KDM7A: variants seen among roughly 807,000 people sequenced by gnomAD.
KDM7A encodes the protein lysine demethylase 7A.
A neutral mutation model predicts 114.8 loss-of-function variants in KDM7A; 28 were observed. That is an observed-to-expected ratio of 0.24 (90% CI 0.18 to 0.33). The LOEUF (loss-of-function observed/expected upper bound fraction) is 0.33. Ranked by LOEUF, KDM7A falls within the 10% of genes least tolerant of loss-of-function variation. The pLI, the probability that KDM7A is intolerant of heterozygous loss-of-function variation, is 1.00. For missense variants in KDM7A, 942 were observed against 1,142.5 expected, an observed-to-expected ratio of 0.82 and a Z score of 2.53; for synonymous variants, 423 against 397.8, an observed-to-expected ratio of 1.06 and a Z score of -0.75.
rs746001750 is a variant in KDM7A, at chr7:140,111,109, T to G, written c.1414A>C (p.Ile472Leu). The part of the protein sequence containing the change: ...GHLIKELSKV[I>L]RAIEEENGKP... ...TCCACTCTTACCTCTATTGCTCGAATTACTTTAGAAAGTTCTTTAATAAGG... is the reference window on the plus strand; with the variant it reads ...TCCACTCTTACCTCTATTGCTCGAAGTACTTTAGAAAGTTCTTTAATAAGG... The change falls in exon 11 of 20, where the codon ATT becomes CTT. Residue 472 changes from isoleucine (I) to leucine (L), a missense_variant. Physicochemically the swap from Ile to Leu is conservative, Grantham distance 5. Around this residue, in one of 4 missense-constraint regions of KDM7A, gnomAD observed 512 missense variants for 576.6 expected, o/e 0.89. Transcript: ENST00000397560. 6.3e-7 allele frequency: 1 copy of G among 1,591,294 alleles called. No individual in the cohort carries two copies. The highest frequency in any genetic ancestry group is 2.2e-5 in the East Asian group (1 of 44,674).
chr7:140,100,629 A>T (rs1818184421), intron 12 of KDM7A, among the ~76,000 whole-genome samples: 1 of 143,144 alleles, frequency 7.0e-6, no homozygotes, highest in African/African-American at 2.6e-5. Context: ...AAAACATTAT[A>T]ATTACATACA....
Position 140,176,389 on chromosome 7 carries a change from A to C in KDM7A, c.194+355T>G, listed in dbSNP as rs2116868931. Reference sequence around the variant, plus strand: ...GGGGCGGCGGCGGCCCGGGCTGGCGAGGGGCTGCGGACCCGGCCGGCGCTC... The same window carrying C: ...GGGGCGGCGGCGGCCCGGGCTGGCGCGGGGCTGCGGACCCGGCCGGCGCTC... On this transcript the variant is annotated intron_variant, in intron 1 of 19. Coordinates refer to ENST00000397560, the MANE Select transcript of KDM7A (RefSeq NM_030647.2). This position sits in a 1 kb window ranked among gnomAD's most constrained non-coding sequence, Gnocchi z 4.4. Among the ~76,000 whole-genome samples, 4 of 129,056 alleles carry C rather than the reference A, an allele frequency of 3.1e-5. No individual in the cohort carries two copies. Among genetic ancestry groups the C allele is most frequent in the East Asian group, 5.9e-4 (2 of 3,400 alleles). The allele number at this position is 129,056 out of a possible 152,430, so 84.7% of individuals were successfully genotyped here.
rs554435396 is a variant in KDM7A at position 140,099,730 on chromosome 7, T to C, written c.1763+169A>G. 2.6e-5 allele frequency among the ~76,000 whole-genome samples: 4 copies of C among 152,334 alleles called. No homozygotes were observed. The East Asian group carries it at 7.7e-4, about 29-fold the overall frequency. On this transcript the variant is annotated intron_variant, in intron 13 of 19. Transcript: ENST00000397560. The stretch of plus-strand genomic sequence containing the variant: ...CTCCTTATGAGAATCTAATGCCTGA[T>C]GATATGAGGTGCAACAGTTTAATCC...
intron 19 of KDM7A, among the ~76,000 whole-genome samples, chr7:140,091,448 C>T (rs575016035): frequency 3.9e-5 from 6 of 152,288 alleles, no homozygotes; most frequent in Admixed American, 2.0e-4. Context: ...TTACACTATG[C>T]TTAGGCAACA....
At chr7:140,118,995 A>T in intron 9 of KDM7A, 118 bp downstream of exon 9, 1 of 575,482 alleles carries the variant, frequency 1.7e-6, no homozygotes, top group Non-Finnish European at 3.1e-6. Context: ...TTTAAAAAAC[A>T]AAATAGGAGT....
intron 3 of KDM7A, among the ~76,000 whole-genome samples, chr7:140,130,479 G>A (rs1226491359): frequency 6.6e-6 from 1 of 151,892 alleles, no homozygotes; most frequent in African/African-American, 2.4e-5. Flanking sequence ...AAATTAGCTG[G>A]GTGTGGTGGT....
At chr7:140,112,448 A>G (rs919756951) in intron 10 of KDM7A, among the ~76,000 whole-genome samples, 3 of 152,136 alleles carry the variant, frequency 2.0e-5, no homozygotes, top group Admixed American at 2.0e-4. Flanking sequence ...CATTTCTACT[A>G]AAACATACAA....
intron 1 of KDM7A, among the ~76,000 whole-genome samples, chr7:140,153,479 C>T (rs1794423841): frequency 6.9e-6 from 1 of 144,340 alleles, no homozygotes; most frequent in Non-Finnish European, 1.5e-5. Flanking sequence ...GAGCGAGACT[C>T]CGTCTCAAAA....
intron 1 of KDM7A, among the ~76,000 whole-genome samples, chr7:140,140,193 G>A (rs116407228): frequency 2.6e-3 from 401 of 152,284 alleles, no homozygotes; most frequent in African/African-American, 7.7e-3. Context: ...CCTCATTTAT[G>A]AGTAAAGATG....
chr7:140,100,684 A>ATATATATATATATATATATGTG (rs1232535802), intron 12 of KDM7A, among the ~76,000 whole-genome samples: 4 of 37,562 alleles, frequency 1.1e-4, no homozygotes, highest in African/African-American at 4.7e-4. Flanking sequence ...ATATATACAT[A>ATATATATATATATATATATGTG]TATACATATA....
chr7:140,134,808 CA>C (rs1818841405), intron 2 of KDM7A, among the ~76,000 whole-genome samples: 1 of 152,008 alleles, frequency 6.6e-6, no homozygotes, highest in South Asian at 2.1e-4. Flanking sequence ...TGAACATTTT[CA>C]CAATATGTTT....
At chr7:140,145,918 G>C (rs1794334839) in intron 1 of KDM7A, among the ~76,000 whole-genome samples, 1 of 152,194 alleles carries the variant, frequency 6.6e-6, no homozygotes, top group African/African-American at 2.4e-5. Flanking sequence ...GAAAAAAGGG[G>C]AGAAAGGGAC....
intron 9 of KDM7A, among the ~76,000 whole-genome samples, chr7:140,116,367 G>A (rs865895608): frequency 1.6e-4 from 25 of 152,104 alleles, no homozygotes; most frequent in African/African-American, 6.0e-4. Context: ...AAACAATGCT[G>A]AGTAAAAGGT....
In KDM7A at chr7:140,089,662, A is replaced by G. The variant is rs903700525; in HGVS notation, c.*1432T>C. On this transcript the variant is annotated 3_prime_UTR_variant, in exon 20 of 20. Coordinates refer to ENST00000397560, the MANE Select transcript of KDM7A (RefSeq NM_030647.2). The stretch of plus-strand genomic sequence containing the variant: ...TTTATGCCATGGATGGAAAAAAGGG[A>G]AAATAGAAGCTACTATAAGCAAATG... 6.6e-6 allele frequency: 1 copy of G among 152,182 alleles called. No homozygotes were observed. The highest frequency in any genetic ancestry group is 1.5e-5 in the Non-Finnish European group (1 of 68,032). 9.4% of individuals were successfully genotyped at this position (152,182 alleles called of 1,614,324 possible).
intron 1 of KDM7A, among the ~76,000 whole-genome samples, chr7:140,142,061 T>A (rs568614824): frequency 6.8e-5 from 10 of 147,640 alleles, no homozygotes; most frequent in African/African-American, 2.2e-4. Flanking sequence ...CATATATATA[T>A]AAAAGATATT....
At chr7:140,104,011 T>C (rs1416165111) in intron 11 of KDM7A, among the ~76,000 whole-genome samples, 1 of 152,244 alleles carries the variant, frequency 6.6e-6, no homozygotes, top group Non-Finnish European at 1.5e-5. Flanking sequence ...TTCTAACTGG[T>C]GTGAGATGGT....
At chr7:140,113,215 A>G (rs1818461002) in intron 10 of KDM7A, among the ~76,000 whole-genome samples, 1 of 152,256 alleles carries the variant, frequency 6.6e-6, no homozygotes, top group Admixed American at 6.5e-5. Context: ...TAAGAGCTCA[A>G]TGTTACCTAT....
At chr7:140,109,034 G>C (rs543476751) in intron 11 of KDM7A, among the ~76,000 whole-genome samples, 3 of 152,278 alleles carry the variant, frequency 2.0e-5, no homozygotes, top group Admixed American at 1.3e-4. Context: ...TGTGCTAGCA[G>C]TGACCAAGGC....
chr7:140,164,782 C>T (rs759118809), intron 1 of KDM7A, among the ~76,000 whole-genome samples: 3 of 152,148 alleles, frequency 2.0e-5, no homozygotes, highest in Admixed American at 6.5e-5. Context: ...CAGGAATTTG[C>T]TTCAAAGTAG....
Sources: gnomAD v4.1 joint callset for allele counts (sites outside exome capture counted in the v4.1 genomes callset) on GRCh38, gnomAD v4.1.1 for gene constraint, gnomAD v4.1.1 regional missense constraint, Gnocchi (gnomAD v3.1) non-coding constraint, MANE v1.5 for transcripts, NCBI Gene and HGNC (gene_info 2026-07-23, HGNC 2026-07-21) for gene names.